TSGA13: variants seen among roughly 807,000 people sequenced by gnomAD.
The protein encoded by TSGA13 is testis specific 13.
A neutral mutation model predicts 35.1 loss-of-function variants in TSGA13; 37 were observed. That is an observed-to-expected ratio of 1.05 (90% CI 0.81 to 1.39). The LOEUF is 1.39. Among genes scored for constraint, TSGA13 ranks in the 40% most tolerant of loss-of-function variants. The pLI is 0.00. For missense variants in TSGA13, 338 were observed against 328.5 expected (o/e 1.03, Z -0.22); for synonymous variants, 124 against 121.2 (o/e 1.02, Z -0.15).
rs1487108282 is a variant in TSGA13 at position 130,668,895 on chromosome 7, C to A, written c.*119G>T. On this transcript the variant is annotated 3_prime_UTR_variant, in exon 8 of 8. Coordinates refer to ENST00000356588, the MANE Select transcript of TSGA13 (RefSeq NM_052933.4). ...GCCGGAGACTTCGGCTCGACCCTCC[C>A]GGCTTGCGACCCGGGAGCCCACGCC... is the stretch of plus-strand genomic sequence containing the variant. The A allele has an allele frequency of 1.4e-6, 2 of 1,459,200 alleles. No homozygotes were observed. The highest frequency in any genetic ancestry group is 4.5e-5 in the Admixed American group (2 of 44,460). 90.4% of individuals were successfully genotyped at this position (1,459,200 alleles called of 1,614,324 possible).
intron 5 of TSGA13, among the ~76,000 whole-genome samples, chr7:130,676,986 A>C (rs1554464220): frequency 6.8e-6 from 1 of 147,660 alleles, no homozygotes; most frequent in African/African-American, 2.5e-5. Context: ...TCCGCCTCCC[A>C]CGTTCACTCC....
chr7:130,681,835 A>G (rs565447069), intron 3 of TSGA13, among the ~76,000 whole-genome samples: 1 of 152,302 alleles, frequency 6.6e-6, no homozygotes, highest in Non-Finnish European at 1.5e-5. Flanking sequence ...AAGGATATAA[A>G]AGCTCTGAAT....
chr7:130,679,820 A>G (rs1554464799), intron 4 of TSGA13, among the ~76,000 whole-genome samples: 2 of 152,186 alleles, frequency 1.3e-5, no homozygotes. Context: ...TATCACACGC[A>G]GCCCTAAAAT....
intron 7 of TSGA13, among the ~76,000 whole-genome samples, chr7:130,670,969 T>C (rs1414042794): frequency 3.4e-5 from 4 of 117,664 alleles, no homozygotes; most frequent in Admixed American, 9.2e-5. Flanking sequence ...GAAAGTGATA[T>C]TGTTGGTGCT....
At chr7:130,675,744 T>C (rs968023351) in intron 5 of TSGA13, among the ~76,000 whole-genome samples, 5 of 152,242 alleles carry the variant, frequency 3.3e-5, no homozygotes, top group African/African-American at 1.2e-4. Context: ...ACTGCTTCAA[T>C]CTTTTCATTT....
intron 5 of TSGA13, among the ~76,000 whole-genome samples, chr7:130,674,177 T>C (rs1315053747): frequency 3.7e-5 from 5 of 134,360 alleles, no homozygotes; most frequent in African/African-American, 1.3e-4. Flanking sequence ...TTCTTTTTTT[T>C]TTTTTTTTTT....
intron 5 of TSGA13, among the ~76,000 whole-genome samples, chr7:130,675,307 A>T (rs571923206): frequency 7.0e-6 from 1 of 143,034 alleles, no homozygotes; most frequent in South Asian, 2.2e-4. Flanking sequence ...CTACTTCCCT[A>T]TAACTTCAGC....
intron 5 of TSGA13, among the ~76,000 whole-genome samples, chr7:130,678,748 G>C (rs1370874440): frequency 1.3e-5 from 2 of 152,180 alleles, no homozygotes; most frequent in Non-Finnish European, 2.9e-5. Context: ...TAGACCAAGT[G>C]CAGTGGCTCA....
rs991835193 is a variant in TSGA13 at position 130,672,775 on chromosome 7, T to A, written c.489A>T (p.Ile163=). 4 of 1,614,182 alleles carry A rather than the reference T, an allele frequency of 2.5e-6. No homozygotes were observed. The South Asian group carries it at 4.4e-5, about 18-fold the overall frequency. The change falls in exon 6 of 8, where the codon ATA becomes ATT. Residue 163 remains isoleucine (I), a synonymous_variant. Transcript: ENST00000356588. ...RSKLKPIFPL[I]LSDDPTSKRE... is the part of the protein sequence containing the mutation. ...GCTTGGATGTGGGATCATCCGACAG[T>A]ATCAAAGGGAAGATTGGTTTCAGCT...
At chr7:130,669,477 A>G (rs559576395) in intron 7 of TSGA13, among the ~76,000 whole-genome samples, 1 of 152,358 alleles carries the variant, frequency 6.6e-6, no homozygotes, top group African/African-American at 2.4e-5. Flanking sequence ...CACTAAATTA[A>G]CGTGCATTCA....
chr7:130,685,688 G>T (rs1453887834), intron 1 of TSGA13, among the ~76,000 whole-genome samples: 1 of 152,166 alleles, frequency 6.6e-6, no homozygotes, highest in Non-Finnish European at 1.5e-5. Flanking sequence ...TCCGTAGAAG[G>T]CTAAAGGTGG....
chr7:130,681,814 G>C (rs1440728960), intron 3 of TSGA13, among the ~76,000 whole-genome samples: 1 of 152,134 alleles, frequency 6.6e-6, no homozygotes, highest in African/African-American at 2.4e-5. Flanking sequence ...GAATCAAGGA[G>C]ATAGGAACAC....
At chr7:130,683,715 A>G in intron 2 of TSGA13, 43 bp from the exon 3 acceptor site, 1 of 1,576,766 alleles carries the variant, frequency 6.3e-7, no homozygotes, top group Non-Finnish European at 8.7e-7. Context: ...TCTGGCTCAG[A>G]GGCCTGGACT....
intron 5 of TSGA13, 78 bp from the exon 6 acceptor site, chr7:130,672,954 A>T: frequency 6.9e-7 from 1 of 1,453,286 alleles, no homozygotes; most frequent in Non-Finnish European, 9.2e-7. Flanking sequence ...AAGTTCCTGG[A>T]CTAAGTTCCA....
At chr7:130,678,320 A>C (rs1796459048) in intron 5 of TSGA13, among the ~76,000 whole-genome samples, 1 of 151,910 alleles carries the variant, frequency 6.6e-6, no homozygotes, top group African/African-American at 2.4e-5. Flanking sequence ...CGGAGCTTGC[A>C]GTGAGCCGAG....
chr7:130,685,302 A>G lies in TSGA13; in HGVS notation c.-92T>C, dbSNP rs1796636641. 6.3e-6 allele frequency: 10 copies of G among 1,590,152 alleles called. No individual in the cohort carries two copies. The highest frequency in any genetic ancestry group is 8.6e-6 in the Non-Finnish European group (10 of 1,160,400). On this transcript the variant is annotated 5_prime_UTR_variant, in exon 2 of 8. Coordinates refer to ENST00000356588, the MANE Select transcript of TSGA13 (RefSeq NM_052933.4). ...ATAGTCCACGTTCTGCAGGGGTTCA[A>G]TTCAATCCAAATATTCTTTCCTTAG...
intron 2 of TSGA13, among the ~76,000 whole-genome samples, chr7:130,684,191 G>A (rs1482797275): frequency 6.6e-6 from 1 of 152,124 alleles, no homozygotes; most frequent in East Asian, 1.9e-4. Flanking sequence ...ACCTTGCTTG[G>A]ATTACTGGCT....
chr7:130,674,168 T>C (rs1357241422), intron 5 of TSGA13, among the ~76,000 whole-genome samples: 3 of 128,982 alleles, frequency 2.3e-5, no homozygotes, highest in African/African-American at 5.1e-5. Flanking sequence ...TTTCTTTTTT[T>C]CTTTTTTTTT....
chr7:130,682,251 CT>C (rs1360500168), intron 3 of TSGA13, among the ~76,000 whole-genome samples: 2 of 152,194 alleles, frequency 1.3e-5, no homozygotes, highest in East Asian at 1.9e-4. Flanking sequence ...TCCTGAGTAG[CT>C]GGGATTACAG....
Sources: allele counts gnomAD v4.1 joint callset (sites outside exome capture counted in the v4.1 genomes callset), GRCh38; gene constraint gnomAD v4.1.1; transcripts MANE v1.5; gene names NCBI Gene and HGNC (gene_info 2026-07-23, HGNC 2026-07-21).